The following CLIP2 variants were observed in gnomAD, a reference collection of about 807,000 sequenced individuals.
CLIP2 encodes CAP-Gly domain-containing linker protein 2.
A neutral mutation model predicts 111.7 loss-of-function variants in CLIP2; 41 were observed. The ratio of observed to expected loss-of-function variants is 0.37; its 90% CI spans 0.29 to 0.48. The LOEUF (loss-of-function observed/expected upper bound fraction) is 0.48, where lower values mean the gene tolerates loss of function less well. Among genes scored for constraint, CLIP2 ranks in the 20% least tolerant of loss-of-function variants. The probability of loss-of-function intolerance (pLI) is 0.99; values close to 1 mark genes in which losing one functional copy is unlikely to be tolerated. For synonymous variants in CLIP2, 660 were observed against 644.2 expected (o/e 1.02, Z -0.37); for missense variants, 1,160 against 1,422.1 (o/e 0.82, Z 2.96).
Position 74,400,851 on chromosome 7 carries a change from G to T in CLIP2, c.3066+296G>T, listed in dbSNP as rs181454957. ...CCCGGGAACCCCTGGTCTGAAGGGG[G>T]AGGCAGCTCTGTCCCAGGAACCCTG... On this transcript the variant is annotated intron_variant, in intron 15 of 16. Coordinates refer to ENST00000223398, the MANE Select transcript of CLIP2 (RefSeq NM_003388.5). Among the ~76,000 whole-genome samples the T allele has an allele frequency of 1.5e-3, 222 of 151,352 alleles. 1 individual carries two copies. Among genetic ancestry groups the T allele is most frequent in the African/African-American group, 5.0e-3 (207 of 41,168 alleles).
chr7:74,395,870 CT>C (rs1562730240), intron 13 of CLIP2, among the ~76,000 whole-genome samples: 3 of 152,178 alleles, frequency 2.0e-5, no homozygotes, highest in African/African-American at 7.2e-5. Flanking sequence ...GGTTCAGGAG[CT>C]TAAGATCTCA....
intron 13 of CLIP2, among the ~76,000 whole-genome samples, chr7:74,390,150 AAAAGAAAGAAAGAAGAAAGAAAGAAAG>A (rs1331398191): frequency 1.6e-5 from 1 of 62,926 alleles, no homozygotes; most frequent in African/African-American, 7.1e-5. Flanking sequence ...GAAAGAAAGA[AAAAGAAAGAAAGAAGAAAGAAAGAAAG>A]AAAGAAAGAA....
chr7:74,294,891 A>T (rs1788126984), intron 1 of CLIP2, among the ~76,000 whole-genome samples: 1 of 152,118 alleles, frequency 6.6e-6, no homozygotes, highest in Non-Finnish European at 1.5e-5. Context: ...TTATGCAGGG[A>T]GGCTGGGCTC....
At chr7:74,328,159 C>G (rs1789170913) in intron 2 of CLIP2, among the ~76,000 whole-genome samples, 1 of 151,984 alleles carries the variant, frequency 6.6e-6, no homozygotes, top group Admixed American at 6.6e-5. Context: ...GGGATGTAGA[C>G]TCGGTCCTCC....
intron 4 of CLIP2, among the ~76,000 whole-genome samples, chr7:74,355,755 C>T (rs1025378704): frequency 3.3e-5 from 5 of 152,224 alleles, no homozygotes; most frequent in Non-Finnish European, 4.4e-5. Context: ...TTTCTTTTGA[C>T]TCACTTTTGC....
Position 74,401,578 on chromosome 7 carries a change from C to A in CLIP2, c.3129+11C>A. 6.2e-7 allele frequency: 1 copy of A among 1,613,348 alleles called. No homozygotes were observed. The highest frequency in any genetic ancestry group is 8.5e-7 in the Non-Finnish European group (1 of 1,179,690). On this transcript the variant is annotated intron_variant, in intron 16 of 16. Transcript: ENST00000223398. ...GCTCAGAAACAAGAGGTGAGGGGCG[C>A]CTCGGGCCTCCCAGGTCCCTCCCGT...
Position 74,376,061 on chromosome 7 carries a change from A to G in CLIP2, c.1660A>G (p.Lys554Glu). Residue 554 changes from lysine to glutamate, a missense_variant, in exon 10 of 17, where the codon AAG (lysine) becomes GAG (glutamate). Lys to Glu is a moderately conservative substitution (Grantham distance 56). Around this residue, in one of 5 missense-constraint regions of CLIP2, gnomAD observed 676 missense variants for 777.8 expected, o/e 0.87. Coordinates refer to ENST00000223398, the MANE Select transcript of CLIP2 (RefSeq NM_003388.5). The surrounding 1 kb of genome is among the most constrained non-coding windows in gnomAD (Gnocchi z 7.1). Reference protein sequence around the residue: ...RLRERLLSASKEHQRESGVLR... With the variant: ...RLRERLLSASEEHQRESGVLR... The stretch of plus-strand genomic sequence containing the variant: ...ACGGGAGCGGCTGCTCTCGGCCAGC[A>G]AGGAACACCAGAGGGAGAGTGGGGT... 1 of 1,612,892 alleles carries G rather than the reference A, an allele frequency of 6.2e-7. No homozygotes were observed. The highest frequency in any genetic ancestry group is 8.5e-7 in the Non-Finnish European group (1 of 1,179,912).
In CLIP2 at chr7:74,400,571, C is replaced by T; in HGVS notation, c.3066+16C>T. 2.0e-6 allele frequency: 3 copies of T among 1,521,496 alleles called. No homozygotes were observed. Among genetic ancestry groups the T allele is most frequent in the Non-Finnish European group, 2.7e-6 (3 of 1,130,990 alleles). The allele number at this position is 1,521,496 out of a possible 1,614,324, so 94.2% of individuals were successfully genotyped here. ...CAAGGCCCAGGTGAGCCGCGGCTGA[C>T]AGGGCCCACCAGGAGGCAAGCCACG... On this transcript the variant is annotated intron_variant, in intron 15 of 16. Coordinates refer to ENST00000223398, the MANE Select transcript of CLIP2 (RefSeq NM_003388.5).
rs1332640256 is a variant in CLIP2 at position 74,332,993 on chromosome 7, G to A, written c.122-5455G>A. ...GACCCGCGTCCTCGCAGGCGGAGGGGAGAATGCGTCATCTGGGCGCCCTTT... is the reference window on the plus strand; with the variant it reads ...GACCCGCGTCCTCGCAGGCGGAGGGAAGAATGCGTCATCTGGGCGCCCTTT... On this transcript the variant is annotated intron_variant, in intron 2 of 16. Transcript: ENST00000223398. 2.0e-5 allele frequency among the ~76,000 whole-genome samples: 3 copies of A among 152,212 alleles called. No individual in the cohort carries two copies. In the East Asian group the frequency reaches 5.8e-4, roughly 29 times the overall value.
intron 2 of CLIP2, among the ~76,000 whole-genome samples, chr7:74,323,266 A>G (rs1189393377): frequency 1.3e-5 from 2 of 151,644 alleles, no homozygotes; most frequent in Non-Finnish European, 2.9e-5. Context: ...AGGTGCCACC[A>G]TGCCTGGCTA....
chr7:74,399,268 T>C (rs1429684856), intron 14 of CLIP2, among the ~76,000 whole-genome samples: 5 of 152,082 alleles, frequency 3.3e-5, no homozygotes, highest in Admixed American at 1.3e-4. Flanking sequence ...CTGGGTGCGG[T>C]GGCTCATGCC....
At chr7:74,332,181 C>A (rs1408531490) in intron 2 of CLIP2, among the ~76,000 whole-genome samples, 1 of 151,888 alleles carries the variant, frequency 6.6e-6, no homozygotes, top group Non-Finnish European at 1.5e-5. Flanking sequence ...TCAAGTGATT[C>A]TCCTGCCTCA....
intron 2 of CLIP2, among the ~76,000 whole-genome samples, chr7:74,333,266 C>A (rs979846283): frequency 1.3e-5 from 2 of 152,102 alleles, no homozygotes; most frequent in Admixed American, 1.3e-4. Context: ...TCACTGAAAC[C>A]TCCGTCTCCT....
intron 1 of CLIP2, among the ~76,000 whole-genome samples, chr7:74,302,562 C>T (rs782338591): frequency 2.9e-4 from 44 of 152,068 alleles, no homozygotes; most frequent in Non-Finnish European, 4.0e-4. Context: ...CATGTGGGAC[C>T]GGAACCCAGG....
intron 16 of CLIP2, among the ~76,000 whole-genome samples, chr7:74,403,525 G>A (rs933925059): frequency 1.3e-5 from 2 of 152,098 alleles, no homozygotes; most frequent in Non-Finnish European, 2.9e-5. Context: ...GCTGAGATCA[G>A]ACCACTGCAC....
At chr7:74,400,295 C>T (rs1166096141) in intron 14 of CLIP2, 75 bp from the exon 15 acceptor site, 1 of 1,316,100 alleles carries the variant, frequency 7.6e-7, no homozygotes, top group African/African-American at 1.5e-5. Context: ...GGAAGACTTT[C>T]CTGCCTAGAG....
intron 15 of CLIP2, 24 bp from the exon 16 acceptor site, chr7:74,401,481 C>T: frequency 6.2e-7 from 1 of 1,613,104 alleles, no homozygotes; most frequent in South Asian, 1.1e-5. Context: ...GCACCTGGCT[C>T]AGTGTCTCCC....
At position 74,366,434 on chromosome 7, in the gene CLIP2, C is replaced by G. The variant is rs941787103; in HGVS notation, c.1380+2119C>G. Among the ~76,000 whole-genome samples, 3 of 152,222 alleles carry G rather than the reference C, an allele frequency of 2.0e-5. No homozygotes were observed. In the South Asian group the frequency reaches 6.2e-4, roughly 31 times the overall value. Reference sequence around the variant, plus strand: ...TGTAAGATCCACAGTCTTCCCCAAGCTCCCTGTACCATGCCCATTTGACAT... The same window carrying G: ...TGTAAGATCCACAGTCTTCCCCAAGGTCCCTGTACCATGCCCATTTGACAT... On this transcript the variant is annotated intron_variant, in intron 8 of 16. Transcript: ENST00000223398.
At chr7:74,313,298 G>A (rs536113817) in intron 1 of CLIP2, among the ~76,000 whole-genome samples, 2 of 151,164 alleles carry the variant, frequency 1.3e-5, no homozygotes, top group Non-Finnish European at 3.0e-5. Context: ...AGTGGCTCAC[G>A]CCTGTAATTC....
Sources: gnomAD v4.1 joint callset for allele counts (sites outside exome capture counted in the v4.1 genomes callset) on GRCh38, gnomAD v4.1.1 for gene constraint, gnomAD v4.1.1 regional missense constraint, Gnocchi (gnomAD v3.1) non-coding constraint, MANE v1.5 for transcripts, NCBI Gene and HGNC (gene_info 2026-07-23, HGNC 2026-07-21) for gene names.